ZNF93: variants seen among roughly 807,000 people sequenced by gnomAD.
The protein encoded by ZNF93 is zinc finger protein 93, also known as zinc finger protein 505.
A neutral mutation model predicts 45.0 loss-of-function variants in ZNF93; 29 were observed. That is an observed-to-expected ratio of 0.64 (90% CI 0.48 to 0.88). ZNF93 has a LOEUF of 0.88. ZNF93 is among the 40% of genes least tolerant of loss of function. The pLI is 0.00. For synonymous variants in ZNF93, 223 were observed against 244.6 expected, an observed-to-expected ratio of 0.91 and a Z score of 0.82; for missense variants, 578 against 724.0, an observed-to-expected ratio of 0.80 and a Z score of 2.31.
intron 3 of ZNF93, among the ~76,000 whole-genome samples, chr19:19,917,690 A>G (rs970237978): frequency 2.0e-5 from 3 of 151,934 alleles, no homozygotes; most frequent in African/African-American, 7.3e-5. Flanking sequence ...CTAATTTTGT[A>G]TTTTTAGTAG....
chr19:19,917,067 AT>A (rs939010151), intron 3 of ZNF93, among the ~76,000 whole-genome samples: 1 of 151,786 alleles, frequency 6.6e-6, no homozygotes, highest in African/African-American at 2.4e-5. Context: ...TTTCTGTTGC[AT>A]TTTTTTGTTC....
intron 3 of ZNF93, among the ~76,000 whole-genome samples, chr19:19,931,768 T>C (rs1246624613): frequency 1.3e-5 from 2 of 152,226 alleles, no homozygotes; most frequent in African/African-American, 4.8e-5. Flanking sequence ...ATTTCCTGTT[T>C]TACTTACTTA....
intron 3 of ZNF93, chr19:19,932,247 A>G (rs923419892): frequency 2.6e-5 from 4 of 156,336 alleles, no homozygotes; most frequent in Admixed American, 1.9e-4. Context: ...CTCAAAATAT[A>G]TATATATTTC....
chr19:19,929,887 G>A (rs1330227369), intron 3 of ZNF93, among the ~76,000 whole-genome samples: 1 of 134,754 alleles, frequency 7.4e-6, no homozygotes, highest in Non-Finnish European at 1.5e-5. Context: ...GCAGTGAGCC[G>A]AGATCGCGCC....
chr19:19,927,920 A>C (rs1031733980), intron 3 of ZNF93, among the ~76,000 whole-genome samples: 4 of 152,076 alleles, frequency 2.6e-5, no homozygotes, highest in Non-Finnish European at 5.9e-5. Context: ...GCTAATTTTT[A>C]TATTTTTAGT....
At chr19:19,920,666 G>C (rs1196251345) in intron 3 of ZNF93, among the ~76,000 whole-genome samples, 4 of 152,170 alleles carry the variant, frequency 2.6e-5, no homozygotes, top group Non-Finnish European at 5.9e-5. Flanking sequence ...TCCTGGTTTA[G>C]TCTTGGGAGG....
chr19:19,903,556 A>G (rs1238161766), intron 1 of ZNF93, among the ~76,000 whole-genome samples: 1 of 152,078 alleles, frequency 6.6e-6, no homozygotes, highest in Non-Finnish European at 1.5e-5. Context: ...TCACGAGGTC[A>G]GGAGATCGAG....
At chr19:19,914,306 T>A (rs1913152794) in intron 1 of ZNF93, among the ~76,000 whole-genome samples, 2 of 152,176 alleles carry the variant, frequency 1.3e-5, no homozygotes, top group Admixed American at 1.3e-4. Flanking sequence ...CTGAAAAAAA[T>A]TATTAGGAGA....
intron 1 of ZNF93, chr19:19,909,430 T>C (rs1867557525): frequency 6.6e-6 from 1 of 152,248 alleles, no homozygotes; most frequent in South Asian, 2.1e-4. Flanking sequence ...CCAACTCCTG[T>C]TATGAAGATG....
chr19:19,905,774 G>A (rs553890125), intron 1 of ZNF93, among the ~76,000 whole-genome samples: 2 of 149,506 alleles, frequency 1.3e-5, no homozygotes, highest in African/African-American at 2.5e-5. Context: ...TTTTTTTTCC[G>A]TGGAGACAGA....
chr19:19,903,855 G>A (rs947195325), intron 1 of ZNF93, among the ~76,000 whole-genome samples: 11 of 151,910 alleles, frequency 7.2e-5, no homozygotes, highest in Non-Finnish European at 1.6e-4. Context: ...CGGATCACCT[G>A]AGGTTAGGAG....
chr19:19,913,806 C>T (rs1348442099), intron 1 of ZNF93, among the ~76,000 whole-genome samples: 1 of 151,966 alleles, frequency 6.6e-6, no homozygotes, highest in Non-Finnish European at 1.5e-5. Flanking sequence ...AGAAGAAACT[C>T]CAGGGAAGGA....
intron 3 of ZNF93, among the ~76,000 whole-genome samples, chr19:19,918,110 C>T (rs2063330325): frequency 6.6e-6 from 1 of 151,868 alleles, no homozygotes; most frequent in African/African-American, 2.4e-5. Flanking sequence ...GTCCCCCCAC[C>T]CCACAACAGG....
intron 3 of ZNF93, among the ~76,000 whole-genome samples, chr19:19,929,648 A>T (rs1599573366): frequency 1.3e-5 from 2 of 152,158 alleles, no homozygotes; most frequent in Admixed American, 1.3e-4. Flanking sequence ...CAGAGATAAG[A>T]GATTGTAGGG....
At chr19:19,916,724 G>A in intron 3 of ZNF93, 69 bp downstream of exon 3, 1 of 1,151,648 alleles carries the variant, frequency 8.7e-7, no homozygotes. Context: ...GAGAAAGCCA[G>A]TCCTTAAAAT....
intron 3 of ZNF93, 104 bp downstream of exon 3, chr19:19,916,759 A>G (rs1342050286): frequency 1.2e-6 from 1 of 809,632 alleles, no homozygotes; most frequent in Non-Finnish European, 1.9e-6. Context: ...TGTGTTCCAA[A>G]GGAAATAGTT....
At chr19:19,923,320 C>T (rs187725575) in intron 3 of ZNF93, among the ~76,000 whole-genome samples, 8 of 152,240 alleles carry the variant, frequency 5.3e-5, no homozygotes, top group Admixed American at 1.3e-4. Flanking sequence ...GAGGGGTACC[C>T]GGCCGTGTGA....
chr19:19,901,092 G>T lies in ZNF93; in HGVS notation c.3+1G>T, dbSNP rs369006566. On this transcript the variant is annotated splice_donor_variant, in intron 1 of 3. Transcript: ENST00000343769. LOFTEE classifies it high-confidence loss of function. ...CAGGACCCCTGGAAGCCTAGAAATG[G>T]TGAGAGTGCCGGTCCGACATCCCAA... The T allele has an allele frequency of 2.5e-6, 4 of 1,613,468 alleles. No homozygotes were observed. The African/African-American group carries it at 4.0e-5, about 16-fold the overall frequency.
In ZNF93 at chr19:19,934,864, A is replaced by C. The variant is rs777575097; in HGVS notation, c.*46A>C. ...AGCCTTCAAGTGGTCCTCACACCTT[A>C]CTATACACTGAGAGTTCTGAACTTA... On this transcript the variant is annotated 3_prime_UTR_variant, in exon 4 of 4. Transcript: ENST00000343769. 1.4e-5 allele frequency: 21 copies of C among 1,547,726 alleles called. No homozygotes were observed. Among genetic ancestry groups the C allele is most frequent in the Non-Finnish European group, 1.7e-5 (20 of 1,145,658 alleles).
Sources: allele counts gnomAD v4.1 joint callset (sites outside exome capture counted in the v4.1 genomes callset), GRCh38; gene constraint gnomAD v4.1.1; transcripts MANE v1.5; gene names NCBI Gene and HGNC (gene_info 2026-07-23, HGNC 2026-07-21).